Variants in HERC3 observed in about 807,000 individuals in gnomAD.
HERC3 encodes probable E3 ubiquitin-protein ligase HERC3.
In HERC3, 58 loss-of-function variants were observed where a neutral mutation model predicts 129.9. The observed-to-expected ratio is 0.45, with a 90% CI of 0.36 to 0.56. The LOEUF (loss-of-function observed/expected upper bound fraction) is 0.56, where lower values mean the gene tolerates loss of function less well. HERC3 is among the 20% of genes least tolerant of loss of function. HERC3 has a pLI of 0.00. For missense variants in HERC3, 835 were observed against 1,244.2 expected, an observed-to-expected ratio of 0.67 and a Z score of 4.95; for synonymous variants, 430 against 451.0, an observed-to-expected ratio of 0.95 and a Z score of 0.59.
At chr4:88,626,675 T>C (rs749987741) in intron 3 of HERC3, among the ~76,000 whole-genome samples, 5 of 152,180 alleles carry the variant, frequency 3.3e-5, no homozygotes, top group Non-Finnish European at 5.9e-5. Flanking sequence ...TTGAGGAATT[T>C]GTCCACTTCA....
At position 88,678,253 on chromosome 4, in the gene HERC3, C is replaced by G. The variant is rs1732379340; in HGVS notation, c.2196+119C>G. 3.5e-6 allele frequency: 3 copies of G among 854,498 alleles called. No homozygotes were observed. In the African/African-American group the frequency reaches 5.1e-5, roughly 14 times the overall value. 52.9% of individuals were successfully genotyped at this position (854,498 alleles called of 1,614,324 possible). A position where few individuals can be genotyped will look rare whatever the true frequency, so the allele number is the denominator to read the frequency against. On this transcript the variant is annotated intron_variant, in intron 19 of 25. Coordinates refer to ENST00000402738, the MANE Select transcript of HERC3 (RefSeq NM_014606.3). ...TGCAGCCATTCTTTCATTCATTTTGCAAGAATTTAATCACCTACTTTTGTC... is the reference window on the plus strand; with the variant it reads ...TGCAGCCATTCTTTCATTCATTTTGGAAGAATTTAATCACCTACTTTTGTC...
Position 88,668,095 on chromosome 4 carries a change from C to A in HERC3, c.1633+14C>A. 1 of 1,603,438 alleles carries A rather than the reference C, an allele frequency of 6.2e-7. No individual in the cohort carries two copies. Among genetic ancestry groups the A allele is most frequent in the Non-Finnish European group, 8.5e-7 (1 of 1,171,840 alleles). On this transcript the variant is annotated intron_variant, in intron 14 of 25. Coordinates refer to ENST00000402738, the MANE Select transcript of HERC3 (RefSeq NM_014606.3). The stretch of plus-strand genomic sequence containing the variant: ...GCAAAGTACTAGGTGAATTTGCTAA[C>A]CTCGATATCAGTGGTTTTATGGTCA...
intron 3 of HERC3, among the ~76,000 whole-genome samples, chr4:88,635,004 G>A (rs1727214684): frequency 6.6e-6 from 1 of 152,122 alleles, no homozygotes; most frequent in Non-Finnish European, 1.5e-5. Context: ...CCAAGGGTTA[G>A]CAGGCTCAAA....
chr4:88,576,640 G>A, the HERC3 span, among the ~76,000 whole-genome samples: 3 of 152,044 alleles, frequency 2.0e-5, no homozygotes, highest in East Asian at 1.9e-4. Flanking sequence ...TAATGTGTGC[G>A]TGTGTGTGTG....
chr4:88,674,871 C>T (rs1731995781), intron 16 of HERC3, among the ~76,000 whole-genome samples: 1 of 152,040 alleles, frequency 6.6e-6, no homozygotes, highest in Admixed American at 6.6e-5. Flanking sequence ...CTGGAGGAAC[C>T]TAGTTATAAA....
the HERC3 span, among the ~76,000 whole-genome samples, chr4:88,548,863 A>G: frequency 1.1e-4 from 17 of 152,006 alleles, no homozygotes; most frequent in African/African-American, 4.1e-4. Flanking sequence ...GGGTTTCACC[A>G]TGTTAGCCAG....
rs193163803 is a variant in HERC3 at position 88,688,770 on chromosome 4, C to T, written c.2657+1471C>T. Among the ~76,000 whole-genome samples the T allele has an allele frequency of 5.9e-3, 891 of 152,048 alleles. 7 individuals carry two copies. Among genetic ancestry groups the T allele is most frequent in the Non-Finnish European group, 0.01 (690 of 67,986 alleles). On this transcript the variant is annotated intron_variant, in intron 23 of 25. Transcript: ENST00000402738. The stretch of plus-strand genomic sequence containing the variant: ...CCTCAATCACTATTAAATTTGAGGT[C>T]GCTTACAGCAAGAATCAACAAGAAA...
At chr4:88,535,910 T>C in the HERC3 span, among the ~76,000 whole-genome samples, 2 of 152,238 alleles carry the variant, frequency 1.3e-5, no homozygotes, top group African/African-American at 2.4e-5. Context: ...GTTTCTTATG[T>C]CATAATGTAA....
chr4:88,681,014 G>A (rs929175901), intron 20 of HERC3, 145 bp from the exon 21 acceptor site: 1 of 1,427,696 alleles, frequency 7.0e-7, no homozygotes, highest in Non-Finnish European at 9.1e-7. Flanking sequence ...CTTTTGTCAG[G>A]GTGTTTCTTT....
chr4:88,601,529 A>C (rs539437021), intron 2 of HERC3, among the ~76,000 whole-genome samples: 4 of 152,346 alleles, frequency 2.6e-5, no homozygotes, highest in African/African-American at 7.2e-5. Context: ...TGGCTGATAT[A>C]TTCAGCTTTG....
chr4:88,587,752 T>A (rs1163375228), upstream of HERC3, among the ~76,000 whole-genome samples: 1 of 152,238 alleles, frequency 6.6e-6, no homozygotes, highest in East Asian at 1.9e-4. Flanking sequence ...TGGAAGACTA[T>A]GTTTCTTTGC....
intron 3 of HERC3, among the ~76,000 whole-genome samples, chr4:88,617,610 G>A (rs376772749): frequency 2.6e-5 from 4 of 152,214 alleles, no homozygotes; most frequent in Middle Eastern, 3.2e-3. Context: ...AGTGGCTCAC[G>A]CCTGTAAGCC....
rs1402648980 is a variant in HERC3, at chr4:88,619,955, GC to G, written c.226+13907del. Among the ~76,000 whole-genome samples the G allele has an allele frequency of 6.6e-5, 10 of 152,306 alleles. No homozygotes were observed. In the East Asian group the frequency reaches 1.2e-3, roughly 18 times the overall value. Reference sequence around the variant, plus strand: ...TCACTCATGTAGGAAAATGGGTTGTGCTGATTGAGCAGGTGTGAGCTGCTAA... The same window carrying G: ...TCACTCATGTAGGAAAATGGGTTGTGTGATTGAGCAGGTGTGAGCTGCTAA... On this transcript the variant is annotated intron_variant, in intron 3 of 25. Transcript: ENST00000402738.
chr4:88,607,834 C>T (rs1036546917), intron 3 of HERC3, among the ~76,000 whole-genome samples: 2 of 152,110 alleles, frequency 1.3e-5, no homozygotes, highest in African/African-American at 4.8e-5. Context: ...TTTATAAGGT[C>T]CTCTTAGTAG....
intron 3 of HERC3, among the ~76,000 whole-genome samples, chr4:88,643,783 A>C (rs1728393161): frequency 6.6e-6 from 1 of 152,188 alleles, no homozygotes; most frequent in African/African-American, 2.4e-5. Context: ...TGAGTCAATA[A>C]AGCTTTCAGA....
In HERC3 at chr4:88,617,503, A is replaced by G. The variant is rs149367860; in HGVS notation, c.226+11454A>G. ...ATATGAACTGTGCTGATCATGATGA[A>G]ATTAAGTAGATTGTGCTGATTGAAA... On this transcript the variant is annotated intron_variant, in intron 3 of 25. Transcript: ENST00000402738. Among the ~76,000 whole-genome samples the G allele has an allele frequency of 1.5e-4, 23 of 152,310 alleles. No individual in the cohort carries two copies. The East Asian group carries it at 3.7e-3, about 24-fold the overall frequency.
chr4:88,570,317 T>A, the HERC3 span, among the ~76,000 whole-genome samples: 569 of 152,308 alleles, frequency 3.7e-3, 6 homozygotes, highest in African/African-American at 0.013. Flanking sequence ...CAAGTGTGGA[T>A]TTGAGAGAAG....
chr4:88,627,718 C>T (rs542928868), intron 3 of HERC3, among the ~76,000 whole-genome samples: 18 of 152,022 alleles, frequency 1.2e-4, no homozygotes, highest in South Asian at 6.2e-4. Context: ...GCCTGGCTGA[C>T]ATGGTGAAAC....
At chr4:88,685,393 C>G (rs1012521198) in intron 21 of HERC3, among the ~76,000 whole-genome samples, 2 of 152,130 alleles carry the variant, frequency 1.3e-5, no homozygotes, top group African/African-American at 4.8e-5. Context: ...GTGGCACATA[C>G]ACACCATGGA....
Sources: gnomAD v4.1 joint callset for allele counts (sites outside exome capture counted in the v4.1 genomes callset) on GRCh38, gnomAD v4.1.1 for gene constraint, MANE v1.5 for transcripts, NCBI Gene and HGNC (gene_info 2026-07-23, HGNC 2026-07-21) for gene names.